Variants in MTMR7 observed in about 807,000 individuals in gnomAD.
MTMR7 encodes the protein myotubularin related protein 7.
In MTMR7, 76 loss-of-function variants were observed where a neutral mutation model predicts 81.2. The ratio of observed to expected loss-of-function variants is 0.94; its 90% CI spans 0.78 to 1.13. The LOEUF (loss-of-function observed/expected upper bound fraction) is 1.13, where lower values mean the gene tolerates loss of function less well. Ranked by LOEUF, MTMR7 falls within the 50% of genes most tolerant of loss-of-function variation. The pLI, the probability that MTMR7 is intolerant of heterozygous loss-of-function variation, is 0.00. For synonymous variants in MTMR7, 372 were observed against 289.8 expected (o/e 1.28, Z -2.88); for missense variants, 1,044 against 820.0 (o/e 1.27, Z -3.34).
At chr8:17,341,649 T>C in intron 5 of MTMR7, 152 bp from the exon 6 acceptor site, 2 of 1,018,016 alleles carry the variant, frequency 2.0e-6, no homozygotes, top group Non-Finnish European at 2.8e-6. Context: ...AAATCAAGCC[T>C]TGTTTATTAA....
chr8:17,317,718 C>T (rs1301864370), intron 7 of MTMR7, among the ~76,000 whole-genome samples: 2 of 152,122 alleles, frequency 1.3e-5, no homozygotes, highest in East Asian at 1.9e-4. Context: ...CCTGATGGCT[C>T]GAATTCCAGA....
chr8:17,367,575 C>T (rs1275607566), intron 3 of MTMR7, among the ~76,000 whole-genome samples: 1 of 152,214 alleles, frequency 6.6e-6, no homozygotes, highest in African/African-American at 2.4e-5. Context: ...AGATCTTCTA[C>T]AGTCTGTGAC....
chr8:17,336,182 T>G (rs1223718426), intron 6 of MTMR7, among the ~76,000 whole-genome samples: 5 of 152,024 alleles, frequency 3.3e-5, no homozygotes, highest in Non-Finnish European at 2.9e-5. Context: ...GAGATGCGCC[T>G]TGGCTTGAGT....
intron 10 of MTMR7, among the ~76,000 whole-genome samples, chr8:17,306,751 A>T (rs1423484108): frequency 3.3e-5 from 5 of 152,212 alleles, no homozygotes; most frequent in Admixed American, 3.3e-4. Context: ...AAGAGTGGGA[A>T]CATTGGAAAT....
chr8:17,390,282 C>T (rs2150577298), intron 1 of MTMR7, among the ~76,000 whole-genome samples: 1 of 151,696 alleles, frequency 6.6e-6, no homozygotes, highest in South Asian at 2.1e-4. Flanking sequence ...TGAAGCTTCT[C>T]ACATGGTGGG....
chr8:17,346,652 A>G (rs998538249), intron 5 of MTMR7, among the ~76,000 whole-genome samples: 1 of 152,056 alleles, frequency 6.6e-6, no homozygotes, highest in Non-Finnish European at 1.5e-5. Flanking sequence ...CCTTGTCTCA[A>G]GAATATAAAA....
At chr8:17,329,210 T>C (rs180764309) in intron 7 of MTMR7, among the ~76,000 whole-genome samples, 25 of 152,298 alleles carry the variant, frequency 1.6e-4, no homozygotes, top group Admixed American at 2.6e-4. Context: ...GGATAGCTGT[T>C]TGAAGGAGGA....
intron 13 of MTMR7, among the ~76,000 whole-genome samples, chr8:17,300,523 T>A (rs182289915): frequency 1.3e-5 from 2 of 152,324 alleles, no homozygotes; most frequent in East Asian, 3.9e-4. Context: ...CCTACATGGT[T>A]TCAAATGATG....
chr8:17,386,291 T>C (rs1324711479), intron 1 of MTMR7, among the ~76,000 whole-genome samples: 1 of 152,174 alleles, frequency 6.6e-6, no homozygotes, highest in Non-Finnish European at 1.5e-5. Flanking sequence ...AGAGGGCAGA[T>C]CACTTGAGCC....
chr8:17,383,361 C>G (rs1188597545), intron 1 of MTMR7, among the ~76,000 whole-genome samples: 2 of 152,192 alleles, frequency 1.3e-5, no homozygotes, highest in Admixed American at 6.5e-5. Context: ...ACTTTTACCA[C>G]TGACCACACA....
At chr8:17,315,034 GC>G (rs202010200) in intron 7 of MTMR7, among the ~76,000 whole-genome samples, 2 of 127,292 alleles carry the variant, frequency 1.6e-5, no homozygotes, top group African/African-American at 7.2e-5. Flanking sequence ...TAGCCCTGTG[GC>G]CCTTGGGTAG....
intron 10 of MTMR7, among the ~76,000 whole-genome samples, chr8:17,307,670 A>G (rs886887508): frequency 3.3e-5 from 5 of 152,248 alleles, no homozygotes; most frequent in African/African-American, 1.2e-4. Context: ...GATTAAGAAA[A>G]TGTGGCACAT....
At chr8:17,388,232 G>A (rs1418675218) in intron 1 of MTMR7, among the ~76,000 whole-genome samples, 1 of 152,070 alleles carries the variant, frequency 6.6e-6, no homozygotes, top group Non-Finnish European at 1.5e-5. Flanking sequence ...TTGAACAAGA[G>A]CAAAGTCCCA....
intron 7 of MTMR7, among the ~76,000 whole-genome samples, chr8:17,320,958 G>C (rs1010362424): frequency 7.2e-5 from 11 of 151,936 alleles, no homozygotes; most frequent in Non-Finnish European, 1.6e-4. Context: ...GGATGCAATT[G>C]ATTCCTCCAA....
chr8:17,312,080 A>G (rs1817811550), intron 8 of MTMR7, among the ~76,000 whole-genome samples: 2 of 152,228 alleles, frequency 1.3e-5, no homozygotes, highest in South Asian at 4.1e-4. Flanking sequence ...CAAGTAATGG[A>G]TGTAAGGTTG....
intron 7 of MTMR7, among the ~76,000 whole-genome samples, chr8:17,317,480 T>C (rs1440717785): frequency 3.3e-5 from 5 of 152,178 alleles, no homozygotes; most frequent in African/African-American, 1.2e-4. Context: ...CCCCTGTTTT[T>C]GGCCTGGAAT....
intron 7 of MTMR7, among the ~76,000 whole-genome samples, chr8:17,316,979 T>C (rs1405026052): frequency 6.6e-6 from 1 of 152,188 alleles, no homozygotes; most frequent in Non-Finnish European, 1.5e-5. Flanking sequence ...GTTGGGAAAG[T>C]TCCTTTTCCC....
chr8:17,355,862 A>C (rs999993474), intron 4 of MTMR7, among the ~76,000 whole-genome samples: 1 of 152,224 alleles, frequency 6.6e-6, no homozygotes, highest in Non-Finnish European at 1.5e-5. Context: ...AGGTCAATGC[A>C]AAAACCACAT....
rs1816682781 is a variant in MTMR7, at chr8:17,296,833, A to ATC, written c.*3027_*3028dup. On this transcript the variant is annotated 3_prime_UTR_variant, in exon 14 of 14. Coordinates refer to ENST00000180173, the MANE Select transcript of MTMR7 (RefSeq NM_004686.5). Reference sequence around the variant, plus strand: ...GTTTTTTATTCTTTAAAGTTGAACTATCCCAGTTTCATTCTATACCATTCA... The same window carrying ATC: ...GTTTTTTATTCTTTAAAGTTGAACTATCTCCCAGTTTCATTCTATACCATTCA... 1 of 152,202 alleles carries ATC rather than the reference A, an allele frequency of 6.6e-6. No homozygotes were observed. Among genetic ancestry groups the ATC allele is most frequent in the African/African-American group, 2.4e-5 (1 of 41,466 alleles). The allele number at this position is 152,202 out of a possible 1,614,324, so 9.4% of individuals were successfully genotyped here. A position where few individuals can be genotyped will look rare whatever the true frequency, so the allele number is the denominator to read the frequency against.
Sources: gnomAD v4.1 joint callset for allele counts (sites outside exome capture counted in the v4.1 genomes callset) on GRCh38, gnomAD v4.1.1 for gene constraint, MANE v1.5 for transcripts, NCBI Gene and HGNC (gene_info 2026-07-23, HGNC 2026-07-21) for gene names.